Variants in RNF121 observed in about 807,000 individuals in gnomAD.
RNF121 encodes ring finger protein 121.
Under a neutral mutation model 46.5 loss-of-function variants are expected in RNF121, and 21 were observed. That is an observed-to-expected ratio of 0.45 (90% confidence interval 0.32 to 0.65). RNF121 has a LOEUF of 0.65. Ranked by LOEUF, RNF121 falls within the 30% of genes least tolerant of loss-of-function variation. The pLI is 0.04. For missense variants in RNF121, 346 were observed against 416.0 expected (o/e 0.83, Z 1.46); for synonymous variants, 139 against 144.7 (o/e 0.96, Z 0.28).
At chr11:71,961,965 G>GC (rs1954143028) in intron 3 of RNF121, among the ~76,000 whole-genome samples, 1 of 108,366 alleles carries the variant, frequency 9.2e-6, no homozygotes, top group East Asian at 2.6e-4. Context: ...AATCTGCAAA[G>GC]ATTTTTTTTT....
intron 3 of RNF121, among the ~76,000 whole-genome samples, chr11:71,961,188 G>T (rs532251023): frequency 6.6e-6 from 1 of 152,288 alleles, no homozygotes; most frequent in South Asian, 2.1e-4. Context: ...TATTCAATTG[G>T]AGAGAGCAAA....
At chr11:71,950,436 T>C (rs561842473) in intron 1 of RNF121, among the ~76,000 whole-genome samples, 11 of 151,862 alleles carry the variant, frequency 7.2e-5, no homozygotes, top group African/African-American at 2.7e-4. Flanking sequence ...ATACAAAAAT[T>C]AGCCAGGCGT....
chr11:71,978,237 T>C, intron 3 of RNF121: 1 of 449,998 alleles, frequency 2.2e-6, no homozygotes, highest in Non-Finnish European at 4.5e-6. Context: ...AGAAACCAGG[T>C]AACTTCCCCT....
chr11:71,965,005 A>G lies in RNF121; in HGVS notation c.243+4114A>G, dbSNP rs1160914846. 2.0e-5 allele frequency among the ~76,000 whole-genome samples: 3 copies of G among 152,170 alleles called. No individual in the cohort carries two copies. In the East Asian group the frequency reaches 5.8e-4, roughly 29 times the overall value. ...ATGAGGTTTTCATTCTGCAAAAGTTATGTTTATTTGTTATAAAAAAATTTG... is the reference window on the plus strand; with the variant it reads ...ATGAGGTTTTCATTCTGCAAAAGTTGTGTTTATTTGTTATAAAAAAATTTG... On this transcript the variant is annotated intron_variant, in intron 3 of 8. Coordinates refer to ENST00000361756, the MANE Select transcript of RNF121 (RefSeq NM_018320.5).
intron 1 of RNF121, among the ~76,000 whole-genome samples, chr11:71,944,299 C>T (rs751625098): frequency 3.0e-4 from 45 of 152,252 alleles, no homozygotes; most frequent in Non-Finnish European, 5.3e-4. Flanking sequence ...TGCCACTGCA[C>T]TCCTGCCTGG....
intron 7 of RNF121, 121 bp from the exon 8 acceptor site, chr11:71,995,329 G>C: frequency 2.7e-6 from 2 of 753,770 alleles, no homozygotes; most frequent in South Asian, 3.2e-5. Context: ...TCAGACACAG[G>C]GACTTGCCCA....
intron 1 of RNF121, among the ~76,000 whole-genome samples, chr11:71,939,790 A>G (rs1953521208): frequency 6.6e-6 from 1 of 152,182 alleles, no homozygotes; most frequent in South Asian, 2.1e-4. Flanking sequence ...CTATGTATTT[A>G]TTGTGCACTT....
At chr11:71,931,666 T>C (rs1953281359) in intron 1 of RNF121, among the ~76,000 whole-genome samples, 1 of 152,160 alleles carries the variant, frequency 6.6e-6, no homozygotes, top group Non-Finnish European at 1.5e-5. Flanking sequence ...CGTATTATAA[T>C]ACTAGATAAT....
At chr11:71,958,693 G>A (rs1590787827) in intron 2 of RNF121, among the ~76,000 whole-genome samples, 1 of 152,094 alleles carries the variant, frequency 6.6e-6, no homozygotes, top group South Asian at 2.1e-4. Flanking sequence ...ATGACAGAGC[G>A]AGACTCTCTC....
chr11:71,937,737 A>C (rs1391030113), intron 1 of RNF121, among the ~76,000 whole-genome samples: 1 of 152,176 alleles, frequency 6.6e-6, no homozygotes, highest in African/African-American at 2.4e-5. Flanking sequence ...CTGACTTGCC[A>C]TGGCACAAAC....
intron 1 of RNF121, 88 bp downstream of exon 1, chr11:71,929,212 G>A: frequency 1.3e-6 from 2 of 1,485,232 alleles, no homozygotes; most frequent in Non-Finnish European, 1.8e-6. Flanking sequence ...TCTTAGGAGA[G>A]AAGGGAAAGA....
chr11:71,933,978 T>C (rs1034987147), intron 1 of RNF121, among the ~76,000 whole-genome samples: 1 of 152,246 alleles, frequency 6.6e-6, no homozygotes, highest in Non-Finnish European at 1.5e-5. Context: ...TAGCTCTTTC[T>C]GGCTCTAGCA....
Position 71,994,797 on chromosome 11 carries a change from G to A in RNF121, c.706G>A (p.Asp236Asn). Residue 236 changes from aspartate to asparagine, a missense_variant, in exon 7 of 9, where the codon GAC (aspartate) becomes AAC (asparagine). Physicochemically the swap from Asp to Asn is conservative, Grantham distance 23. Around this residue, in one of 2 missense-constraint regions of RNF121, gnomAD observed 286 missense variants for 383.8 expected, o/e 0.75. Coordinates refer to ENST00000361756, the MANE Select transcript of RNF121 (RefSeq NM_018320.5). ...TGTGTGTGGGCAGCAGATCTTTGTG[G>A]ACGTCAGTGAAGAGGGGATCATTGA... ...CAVCGQQIFV[D>N]VSEEGIIENT... 6.2e-7 allele frequency: 1 copy of A among 1,614,180 alleles called. No homozygotes were observed. The highest frequency in any genetic ancestry group is 8.5e-7 in the Non-Finnish European group (1 of 1,180,028).
intron 3 of RNF121, among the ~76,000 whole-genome samples, chr11:71,979,923 T>C (rs1954611096): frequency 6.6e-6 from 1 of 152,222 alleles, no homozygotes. Flanking sequence ...TTAAAGCGAA[T>C]AGCATGAAGA....
chr11:71,959,178 C>G (rs1453635913), intron 2 of RNF121, among the ~76,000 whole-genome samples: 1 of 152,186 alleles, frequency 6.6e-6, no homozygotes, highest in Non-Finnish European at 1.5e-5. Flanking sequence ...CAGATTCTCC[C>G]ACCCAGGGTA....
intron 1 of RNF121, among the ~76,000 whole-genome samples, chr11:71,944,998 T>G (rs1467441142): frequency 7.0e-6 from 1 of 142,836 alleles, no homozygotes; most frequent in African/African-American, 2.6e-5. Flanking sequence ...TTTTTTGTTG[T>G]TTTTTTTTTT....
chr11:71,984,938 T>TA (rs35709836), intron 4 of RNF121, among the ~76,000 whole-genome samples: 122,910 of 151,506 alleles, frequency 0.81, 51,926 homozygotes, highest in Non-Finnish European at 0.94. Flanking sequence ...TTTTTAAAAA[T>TA]AGAGATGAGG....
chr11:71,981,395 C>A lies in RNF121; in HGVS notation c.244-1366C>A, dbSNP rs549266089. Among the ~76,000 whole-genome samples the A allele has an allele frequency of 5.9e-5, 9 of 152,212 alleles. 1 individual carries two copies. Among genetic ancestry groups the A allele is most frequent in the African/African-American group, 2.2e-4 (9 of 41,532 alleles). On this transcript the variant is annotated intron_variant, in intron 3 of 8. Transcript: ENST00000361756. ...TGCTATAGAATGCCAGGAAACTAGC[C>A]GCTCTTTCCTCTCTATATCTCTCTT...
At chr11:71,944,892 T>C (rs1275411611) in intron 1 of RNF121, among the ~76,000 whole-genome samples, 1 of 152,266 alleles carries the variant, frequency 6.6e-6, no homozygotes, top group Non-Finnish European at 1.5e-5. Flanking sequence ...CCTTCAGTCC[T>C]AGCTGTATGC....
Sources: gnomAD v4.1 joint callset for allele counts (sites outside exome capture counted in the v4.1 genomes callset) on GRCh38, gnomAD v4.1.1 for gene constraint, gnomAD v4.1.1 regional missense constraint, MANE v1.5 for transcripts, NCBI Gene and HGNC (gene_info 2026-07-23, HGNC 2026-07-21) for gene names.